Variants in RTL5 observed in about 807,000 individuals in gnomAD.
The protein encoded by RTL5 is retrotransposon Gag-like protein 5.
RTL5 carries 8 observed loss-of-function variants against 7.7 expected under a neutral mutation model. That is an observed-to-expected ratio of 1.04 (90% CI 0.61 to 1.88). The LOEUF is 1.88. RTL5 is among the 40% of genes most tolerant of loss of function. The probability of loss-of-function intolerance (pLI) is 0.00; values close to 1 mark genes in which losing one functional copy is unlikely to be tolerated. For missense variants in RTL5, 457 were observed against 472.7 expected (o/e 0.97, Z 0.31); for synonymous variants, 188 against 191.8 (o/e 0.98, Z 0.16).
At chrX:72,131,400 C>G in exon 1 of RTL5, 1 of 1,211,255 alleles carries the variant, frequency 8.3e-7, no homozygotes, top group African/African-American at 1.7e-5. Flanking sequence ...AGACATTGCC[C>G]CGCAAGGAAT....
At chrX:72,129,573 G>A in exon 1 of RTL5, 5 of 346,897 alleles carry the variant, frequency 1.4e-5, no homozygotes, top group Non-Finnish European at 2.0e-5. Flanking sequence ...TCTCCAGCTC[G>A]TGGCCGGACT....
upstream of RTL5, chrX:72,131,874 G>A (rs1393632770): frequency 8.9e-6 from 3 of 337,146 alleles, no homozygotes; most frequent in African/African-American, 2.8e-5. Context: ...GGGCAGGGGC[G>A]AGCGGAGCGG....
exon 1 of RTL5, chrX:72,129,942 G>A (rs1383606726): frequency 8.3e-7 from 1 of 1,211,483 alleles, no homozygotes; most frequent in Admixed American, 2.2e-5. Flanking sequence ...GACCTGTGCG[G>A]CGAATCAGTT....
At chrX:72,131,093 G>T in exon 1 of RTL5, 6 of 1,208,692 alleles carry the variant, frequency 5.0e-6, no homozygotes, top group Admixed American at 2.2e-5. Flanking sequence ...ATCTCAGGCC[G>T]CTCCAGCGGT....
In RTL5 at chrX:72,129,752, G is replaced by C; in HGVS notation, c.*79C>G. The C allele has an allele frequency of 3.1e-6, 3 of 967,714 alleles. No individual in the cohort carries two copies. In the South Asian group the frequency reaches 7.0e-5, roughly 22 times the overall value. The allele number at this position is 967,714 out of a possible 1,213,427, so 79.8% of individuals were successfully genotyped here. ...CTCCCTGAAGTCCTGGTCAGCAAAT[G>C]GGGCAGGTATGGCAGCAATAGCAGG... On this transcript the variant is annotated 3_prime_UTR_variant, in exon 1 of 1. Transcript: ENST00000609883.
chrX:72,131,290 A>G lies in RTL5; in HGVS notation c.251T>C (p.Leu84Pro), dbSNP rs753064444. ...TGGGGGAGGCCGGCACAAGAAGGGCAGTTCTCCCCCGGGAATGACTTCGAT... is the reference window on the plus strand; with the variant it reads ...TGGGGGAGGCCGGCACAAGAAGGGCGGTTCTCCCCCGGGAATGACTTCGAT... The change falls in exon 1 of 1, where the codon CTG becomes CCG. Residue 84 changes from leucine (L) to proline (P), a missense_variant. By Grantham distance (98) the Leu-to-Pro change is moderately conservative. Coordinates refer to ENST00000609883, the Ensembl canonical transcript of RTL5. The G allele has an allele frequency of 1.0e-4, 121 of 1,195,108 alleles. No homozygotes were observed. The highest frequency in any genetic ancestry group is 1.3e-4 in the Non-Finnish European group (118 of 888,392).
exon 1 of RTL5, chrX:72,131,142 C>A: frequency 8.6e-7 from 1 of 1,165,006 alleles, no homozygotes; most frequent in Non-Finnish European, 1.2e-6. Flanking sequence ...TTGACGCGGG[C>A]GGAGGCAGCG....
chrX:72,131,781 C>A, exon 1 of RTL5: 1 of 230,891 alleles, frequency 4.3e-6, no homozygotes, highest in Non-Finnish European at 7.5e-6. Context: ...AGAGGGCGGG[C>A]GGAGGCACGG....
exon 1 of RTL5, chrX:72,128,756 C>T (rs2042252135): frequency 8.8e-6 from 1 of 113,080 alleles, no homozygotes; most frequent in South Asian, 3.6e-4. Context: ...CTCTCTCTGT[C>T]TGTCCCAGAA....
At chrX:72,130,187 C>G (rs780558080) in exon 1 of RTL5, 1 of 1,210,870 alleles carries the variant, frequency 8.3e-7, no homozygotes, top group Non-Finnish European at 1.1e-6. Flanking sequence ...GGCTCCTCCT[C>G]CACCTCACCA....
exon 1 of RTL5, chrX:72,130,624 T>C (rs754963623): frequency 1.5e-5 from 18 of 1,209,885 alleles, no homozygotes; most frequent in Non-Finnish European, 2.0e-5. Context: ...TCTTTCTATC[T>C]CCACACATTC....
At chrX:72,131,206 C>A (rs1602394220) in exon 1 of RTL5, 1 of 1,200,053 alleles carries the variant, frequency 8.3e-7, no homozygotes, top group East Asian at 3.0e-5. Flanking sequence ...GTCGGGGGTG[C>A]TGCGATCCTG....
Position 72,130,009 on chromosome X carries a change from C to T in RTL5, c.1532G>A (p.Arg511Gln), listed in dbSNP as rs202061770. The change falls in exon 1 of 1, where the codon CGA becomes CAA. Residue 511 changes from arginine (R) to glutamine (Q), a missense_variant. Coordinates refer to ENST00000609883, the Ensembl canonical transcript of RTL5. ...TGGAAGGCCTTCCAGAAGTGGGACTCGATTCTGGTTCCTCCGTCTGCTAGG... is the reference window on the plus strand; with the variant it reads ...TGGAAGGCCTTCCAGAAGTGGGACTTGATTCTGGTTCCTCCGTCTGCTAGG... 13 of 1,209,244 alleles carry T rather than the reference C, an allele frequency of 1.1e-5. No homozygotes were observed. The highest frequency in any genetic ancestry group is 2.3e-4 in the Middle Eastern group (1 of 4,349).
At chrX:72,129,389 T>G (rs755402890) in exon 1 of RTL5, 45 of 127,043 alleles carry the variant, frequency 3.5e-4, no homozygotes, top group Non-Finnish European at 6.7e-4. Context: ...CCTGTCCTCT[T>G]GCTCATTGGG....
chrX:72,127,986 C>A (rs2042244376), exon 1 of RTL5: 1 of 112,540 alleles, frequency 8.9e-6, no homozygotes, highest in African/African-American at 3.2e-5. Flanking sequence ...CTCTGAATGG[C>A]TGGGGGGTTT....
At chrX:72,130,366 T>C (rs369299268) in exon 1 of RTL5, 77 of 1,158,992 alleles carry the variant, frequency 6.6e-5, no homozygotes, top group Non-Finnish European at 8.7e-5. Flanking sequence ...CTCCTCCTTC[T>C]CTTCCTTCTT....
At position 72,131,323 on chromosome X, in the gene RTL5, AGCGC is replaced by A. The variant is rs1421889227; in HGVS notation, c.214_217del (p.Ala72SerfsTer32). 8.3e-7 allele frequency: 1 copy of A among 1,198,314 alleles called. No homozygotes were observed. Among genetic ancestry groups the A allele is most frequent in the African/African-American group, 1.8e-5 (1 of 56,010 alleles). ...CCCGGGAATGACTTCGATCTCACTG[AGCGC>A]GAACTCCAAGTTCTCCTCCGCAAGG... is the stretch of plus-strand genomic sequence containing the variant. On this transcript the variant is annotated frameshift_variant, in exon 1 of 1. Transcript: ENST00000609883. LOFTEE classifies it low-confidence loss of function (END_TRUNC).
At chrX:72,131,605 C>T in exon 1 of RTL5, 1 of 1,056,873 alleles carries the variant, frequency 9.5e-7, no homozygotes, top group South Asian at 2.3e-5. Context: ...TACGGGCGGC[C>T]GGAGGAGGCC....
At position 72,130,494 on chromosome X, in the gene RTL5, G is replaced by GTCTTCATCTTCACTGTAGTAC. The variant is rs773197783; in HGVS notation, c.1026_1046dup (p.Glu342_Glu348dup). On this transcript the variant is annotated inframe_insertion, in exon 1 of 1. Transcript: ENST00000609883. ...GAAGCCTGTGCCTGCGTGCCTCTTG[G>GTCTTCATCTTCACTGTAGTAC]TCTTCATCTTCACTGTAGTACTCTT... is the stretch of plus-strand genomic sequence containing the variant. 12 of 1,210,822 alleles carry GTCTTCATCTTCACTGTAGTAC rather than the reference G, an allele frequency of 9.9e-6. No homozygotes were observed. The South Asian group carries it at 2.1e-4, about 21-fold the overall frequency.
Sources: allele counts gnomAD v4.1 joint callset, GRCh38; gene constraint gnomAD v4.1.1; transcripts MANE v1.5; gene names NCBI Gene and HGNC (gene_info 2026-07-23, HGNC 2026-07-21).